Variants in LTBP1 observed in about 807,000 individuals in gnomAD.
LTBP1 encodes the protein latent transforming growth factor beta binding protein 1.
A neutral mutation model predicts 207.6 loss-of-function variants in LTBP1; 129 were observed. The ratio of observed to expected loss-of-function variants is 0.62; its 90% CI spans 0.54 to 0.72. LTBP1 has a LOEUF of 0.72. Among genes scored for constraint, LTBP1 ranks in the 30% least tolerant of loss-of-function variants. LTBP1 has a pLI of 0.00. For synonymous variants in LTBP1, 963 were observed against 833.7 expected (o/e 1.16, Z -2.67); for missense variants, 2,281 against 2,217.2 (o/e 1.03, Z -0.58).
chr2:33,194,717 T>C (rs2088340582), intron 7 of LTBP1, among the ~76,000 whole-genome samples: 1 of 152,230 alleles, frequency 6.6e-6, no homozygotes, highest in Non-Finnish European at 1.5e-5. Context: ...ATGTAGAAGC[T>C]GCAGCAAGTT....
chr2:33,385,805 T>C (rs2095260787), intron 31 of LTBP1, among the ~76,000 whole-genome samples: 1 of 151,916 alleles, frequency 6.6e-6, no homozygotes. Flanking sequence ...AAAATACATT[T>C]CCTGGTGATG....
Position 33,134,861 on chromosome 2 carries a change from G to A in LTBP1, c.1102G>A (p.Gly368Ser). Residue 368 changes from glycine to serine, a missense_variant, in exon 5 of 34, where the codon GGC becomes AGC. By Grantham distance (56) the Gly-to-Ser change is moderately conservative. Transcript: ENST00000404816. The surrounding 1 kb of genome is among the most constrained non-coding windows in gnomAD (Gnocchi z 4.4). Reference protein sequence around the residue: ...PSICKVTCTKGSCQNSCEKGN... With the variant: ...PSICKVTCTKSSCQNSCEKGN... ...CATCTGTAAAGTGACCTGCACCAAG[G>A]GCAGCTGTCAGAACAGCTGTGAGAA... The A allele has an allele frequency of 6.2e-7, 1 of 1,614,082 alleles. No individual in the cohort carries two copies. Among genetic ancestry groups the A allele is most frequent in the Non-Finnish European group, 8.5e-7 (1 of 1,180,024 alleles).
chr2:33,223,753 G>C (rs1172175399), intron 9 of LTBP1, among the ~76,000 whole-genome samples: 1 of 152,134 alleles, frequency 6.6e-6, no homozygotes, highest in African/African-American at 2.4e-5. Context: ...TGGGGTTTGG[G>C]TGTTCAGTGT....
intron 20 of LTBP1, among the ~76,000 whole-genome samples, chr2:33,298,385 A>G (rs149049945): frequency 1.1e-4 from 17 of 152,300 alleles, no homozygotes; most frequent in Middle Eastern, 3.4e-3. Context: ...AGTCCTTGGA[A>G]TGGAGGGTCT....
intron 5 of LTBP1, among the ~76,000 whole-genome samples, chr2:33,161,402 G>A (rs991005267): frequency 6.6e-6 from 1 of 151,946 alleles, no homozygotes; most frequent in Non-Finnish European, 1.5e-5. Flanking sequence ...AAGTAGCTGG[G>A]ATTACAGGTG....
intron 3 of LTBP1, among the ~76,000 whole-genome samples, chr2:33,101,669 AT>A (rs927085834): frequency 3.3e-5 from 5 of 151,506 alleles, no homozygotes; most frequent in African/African-American, 7.3e-5. Flanking sequence ...TACATTTTGA[AT>A]TTTTTTTTGG....
At position 33,151,530 on chromosome 2, in the gene LTBP1, A is replaced by G. The variant is rs371016169; in HGVS notation, c.1201+16570A>G. 1.5e-3 allele frequency among the ~76,000 whole-genome samples: 229 copies of G among 151,932 alleles called. 2 individuals carry two copies. The highest frequency in any genetic ancestry group is 0.014 in the Middle Eastern group (4 of 294). On this transcript the variant is annotated intron_variant, in intron 5 of 33. Coordinates refer to ENST00000404816, the MANE Select transcript of LTBP1 (RefSeq NM_206943.4). The stretch of plus-strand genomic sequence containing the variant: ...ATTTGGTTGCACGAGTAAGTTCTTT[A>G]TGGTGATTTGTGAGATTTTGGTGCA...
chr2:33,386,330 A>G (rs983754502), intron 31 of LTBP1, among the ~76,000 whole-genome samples: 2 of 152,086 alleles, frequency 1.3e-5, no homozygotes, highest in Non-Finnish European at 2.9e-5. Context: ...CTGTAGAGTG[A>G]CAGCTTAGAG....
At chr2:33,227,127 C>T (rs1017122762) in intron 9 of LTBP1, among the ~76,000 whole-genome samples, 1 of 152,046 alleles carries the variant, frequency 6.6e-6, no homozygotes, top group African/African-American at 2.4e-5. Flanking sequence ...CCTCCGCTTC[C>T]TGGGTTCAGG....
At chr2:33,326,318 G>T (rs11894366) in intron 24 of LTBP1, among the ~76,000 whole-genome samples, 5,246 of 152,202 alleles carry the variant, frequency 0.034, 293 homozygotes, top group African/African-American at 0.12. Flanking sequence ...CACAAACTGC[G>T]TGTTTGCAAA....
intron 3 of LTBP1, among the ~76,000 whole-genome samples, chr2:33,108,057 T>C (rs997069685): frequency 4.4e-4 from 67 of 152,318 alleles, no homozygotes; most frequent in African/African-American, 1.5e-3. Flanking sequence ...TGGAAATAAC[T>C]GTGAATAATG....
chr2:32,994,953 G>A (rs149389209), intron 2 of LTBP1, among the ~76,000 whole-genome samples: 295 of 152,304 alleles, frequency 1.9e-3, no homozygotes, highest in African/African-American at 6.8e-3. Flanking sequence ...AACTCAGGAG[G>A]CTGAGGTGGG....
chr2:33,373,775 G>A (rs1442522989), intron 31 of LTBP1, among the ~76,000 whole-genome samples: 2 of 151,972 alleles, frequency 1.3e-5, no homozygotes, highest in African/African-American at 4.8e-5. Flanking sequence ...TATGTACTAG[G>A]CAAACAATTC....
intron 25 of LTBP1, among the ~76,000 whole-genome samples, chr2:33,346,005 A>G (rs56014485): frequency 0.062 from 9,370 of 152,288 alleles, 339 homozygotes; most frequent in Non-Finnish European, 0.077. Context: ...TGTACTTGCA[A>G]AATGTTGAAT....
intron 5 of LTBP1, among the ~76,000 whole-genome samples, chr2:33,136,066 TGCTGTTTTATTGTGACTCCC>T (rs1300561361): frequency 3.3e-5 from 5 of 152,234 alleles, no homozygotes; most frequent in African/African-American, 9.6e-5. Flanking sequence ...TTGATTATTC[TGCTGTTTTATTGTGACTCCC>T]AATCCTTAGG....
chr2:33,064,015 G>T (rs1389095158), intron 3 of LTBP1, among the ~76,000 whole-genome samples: 4 of 151,902 alleles, frequency 2.6e-5, no homozygotes, highest in Non-Finnish European at 5.9e-5. Flanking sequence ...CACCATGCCT[G>T]GCTAATTTTT....
intron 7 of LTBP1, among the ~76,000 whole-genome samples, chr2:33,204,368 C>T (rs751565128): frequency 3.9e-5 from 6 of 152,130 alleles, no homozygotes; most frequent in East Asian, 1.9e-4. Flanking sequence ...GATTTGCCAC[C>T]GTTGAGAATA....
rs186900290 is a variant in LTBP1 at position 33,073,873 on chromosome 2, C to T, written c.864-36709C>T. Reference sequence around the variant, plus strand: ...AACTCCTGACCTCAGGTAACCCACCCGCCTCGGCCTCCCGAAGTGCTGGGA... The same window carrying T: ...AACTCCTGACCTCAGGTAACCCACCTGCCTCGGCCTCCCGAAGTGCTGGGA... On this transcript the variant is annotated intron_variant, in intron 3 of 33. Coordinates refer to ENST00000404816, the MANE Select transcript of LTBP1 (RefSeq NM_206943.4). Among the ~76,000 whole-genome samples, 13 of 152,308 alleles carry T rather than the reference C, an allele frequency of 8.5e-5. No individual in the cohort carries two copies. The East Asian group carries it at 1.7e-3, about 20-fold the overall frequency.
At chr2:33,189,432 G>T (rs983323254) in intron 7 of LTBP1, among the ~76,000 whole-genome samples, 3 of 152,230 alleles carry the variant, frequency 2.0e-5, no homozygotes, top group Non-Finnish European at 2.9e-5. Context: ...CTGACCTCAA[G>T]TGGTCTGCCT....
Sources: allele counts gnomAD v4.1 joint callset (sites outside exome capture counted in the v4.1 genomes callset), GRCh38; gene constraint gnomAD v4.1.1; non-coding constraint Gnocchi (gnomAD v3.1); transcripts MANE v1.5; gene names NCBI Gene and HGNC (gene_info 2026-07-23, HGNC 2026-07-21).